THBS2: variants seen among roughly 807,000 people sequenced by gnomAD.
THBS2 encodes thrombospondin 2.
Under a neutral mutation model 135.2 loss-of-function variants are expected in THBS2, and 47 were observed. The observed-to-expected ratio is 0.35, with a 90% CI of 0.28 to 0.44. The LOEUF (loss-of-function observed/expected upper bound fraction) is 0.44. THBS2 is among the 20% of genes least tolerant of loss of function. The probability of loss-of-function intolerance (pLI) is 1.00; values close to 1 mark genes in which losing one functional copy is unlikely to be tolerated. For missense variants in THBS2, 1,288 were observed against 1,603.1 expected (o/e 0.80, Z 3.36); for synonymous variants, 639 against 633.8 (o/e 1.01, Z -0.12).
At chr6:169,242,742 G>A (rs200056542) in intron 4 of THBS2, among the ~76,000 whole-genome samples, 118 of 54,084 alleles carry the variant, frequency 2.2e-3, no homozygotes, top group Middle Eastern at 0.019. Flanking sequence ...CCTTCCCACC[G>A]CTCCCACCTT....
At chr6:169,221,681 T>C (rs1393528150) in intron 19 of THBS2, among the ~76,000 whole-genome samples, 154 bp from the exon 20 acceptor site, 2 of 152,106 alleles carry the variant, frequency 1.3e-5, no homozygotes, top group African/African-American at 4.8e-5. Context: ...ATCATCCAAA[T>C]CTCTACTGTG....
Position 169,232,043 on chromosome 6 carries a change from G to T in THBS2, c.2088C>A (p.Asp696Glu). 2 of 1,614,066 alleles carry T rather than the reference G, an allele frequency of 1.2e-6. No individual in the cohort carries two copies. The highest frequency in any genetic ancestry group is 1.7e-6 in the Non-Finnish European group (2 of 1,179,970). The stretch of plus-strand genomic sequence containing the variant: ...GATTGAGGTTGGGCCAGCCGTCCAG[G>T]TCCGAGTCCTCCCCGCAGATGAGCC... ...GDGLICGEDS[D>E]LDGWPNLNLV... Residue 696 changes from aspartate (D) to glutamate (E), a missense_variant, in exon 13 of 22, where the codon GAC (aspartate) becomes GAA (glutamate). This residue lies in a region of THBS2 where 874 missense variants were observed against 1,156.1 expected (regional missense o/e 0.76). Coordinates refer to ENST00000617924, the MANE Select transcript of THBS2 (RefSeq NM_003247.5).
intron 13 of THBS2, among the ~76,000 whole-genome samples, chr6:169,231,467 G>T (rs755294614): frequency 1.1e-4 from 16 of 152,198 alleles, no homozygotes; most frequent in Non-Finnish European, 1.9e-4. Context: ...CTCCCGGGCC[G>T]TGGTGTTCGT....
chr6:169,240,877 C>T (rs76759989), intron 5 of THBS2, among the ~76,000 whole-genome samples: 2,579 of 152,242 alleles, frequency 0.017, 71 homozygotes, highest in African/African-American at 0.06. Context: ...TGCAGAGCAA[C>T]GCTGGGGCTC....
intron 4 of THBS2, among the ~76,000 whole-genome samples, chr6:169,245,614 A>C (rs1180684804): frequency 6.6e-6 from 1 of 152,046 alleles, no homozygotes; most frequent in Non-Finnish European, 1.5e-5. Context: ...AACACGCTGA[A>C]ACCCCATCTC....
chr6:169,217,756 A>G lies in THBS2; in HGVS notation c.*66T>C, dbSNP rs1418644031. The G allele has an allele frequency of 6.3e-7, 1 of 1,576,056 alleles. No individual in the cohort carries two copies. The highest frequency in any genetic ancestry group is 1.8e-5 in the Admixed American group (1 of 55,686). On this transcript the variant is annotated 3_prime_UTR_variant, in exon 22 of 22. Coordinates refer to ENST00000617924, the MANE Select transcript of THBS2 (RefSeq NM_003247.5). ...TAGAGAGAGAAGCCACAAGGACCAC[A>G]ATGAACTGAGGTGTCTAGGGACCAT...
intron 21 of THBS2, among the ~76,000 whole-genome samples, chr6:169,219,129 G>A (rs1779317910): frequency 6.7e-6 from 1 of 149,612 alleles, no homozygotes; most frequent in Admixed American, 6.7e-5. Flanking sequence ...GTGAGTGGAT[G>A]AGATGAATGG....
intron 4 of THBS2, among the ~76,000 whole-genome samples, chr6:169,242,617 G>T (rs71552383): frequency 3.7e-5 from 1 of 27,282 alleles, no homozygotes; most frequent in African/African-American, 1.9e-4. Flanking sequence ...CCTTCCCACC[G>T]CTCCCACCTT....
intron 4 of THBS2, among the ~76,000 whole-genome samples, chr6:169,242,690 ATC>A: frequency 3.1e-5 from 1 of 32,186 alleles, no homozygotes; most frequent in Non-Finnish European, 5.6e-5. Flanking sequence ...CCACCTTCCC[ATC>A]TTCCCACCTT....
chr6:169,217,071 A>C lies in THBS2; in HGVS notation c.*751T>G, dbSNP rs1779197946. 1 of 152,238 alleles carries C rather than the reference A, an allele frequency of 6.6e-6. No homozygotes were observed. The highest frequency in any genetic ancestry group is 2.1e-4 in the South Asian group (1 of 4,836). The allele number at this position is 152,238 out of a possible 1,614,324, so 9.4% of individuals were successfully genotyped here. On this transcript the variant is annotated 3_prime_UTR_variant, in exon 22 of 22. Coordinates refer to ENST00000617924, the MANE Select transcript of THBS2 (RefSeq NM_003247.5). ...TTTGCTCTGCTAACCTTTTACTTAA[A>C]TGAGGTTTTGCCAAATCCACATCTG...
chr6:169,227,761 C>T (rs1360330855), intron 15 of THBS2, among the ~76,000 whole-genome samples: 1 of 152,104 alleles, frequency 6.6e-6, no homozygotes, highest in Non-Finnish European at 1.5e-5. Context: ...ATGAAACTTG[C>T]CAATGCCTCC....
chr6:169,242,016 G>A (rs1780322902), intron 4 of THBS2, 58 bp from the exon 5 acceptor site: 5 of 1,543,806 alleles, frequency 3.2e-6, no homozygotes, highest in Non-Finnish European at 8.8e-7. Flanking sequence ...AGCAGCAGGG[G>A]CTGGGAACAG....
chr6:169,235,907 C>T (rs1207847939), intron 9 of THBS2, among the ~76,000 whole-genome samples: 2 of 125,476 alleles, frequency 1.6e-5, no homozygotes, highest in Non-Finnish European at 3.4e-5. Context: ...CCCATCCACA[C>T]TCTCCCTCTG....
rs774383456 is a variant in THBS2 at position 169,249,017 on chromosome 6, G to A, written c.53-44C>T. ...TGGAGAAGGGTGACGTAGGGGAAGAGGGCGAGGTTGGCCTGACCCAGGGTG... is the reference window on the plus strand; with the variant it reads ...TGGAGAAGGGTGACGTAGGGGAAGAAGGCGAGGTTGGCCTGACCCAGGGTG... On this transcript the variant is annotated intron_variant, in intron 2 of 21. Coordinates refer to ENST00000617924, the MANE Select transcript of THBS2 (RefSeq NM_003247.5). 2.1e-5 allele frequency: 32 copies of A among 1,547,222 alleles called. 1 individual carries two copies. In the Middle Eastern group the frequency reaches 7.0e-4, roughly 34 times the overall value.
In THBS2 at chr6:169,252,058, G is replaced by A. The variant is rs574888200; in HGVS notation, c.-22-1252C>T. On this transcript the variant is annotated intron_variant, in intron 1 of 21. Coordinates refer to ENST00000617924, the MANE Select transcript of THBS2 (RefSeq NM_003247.5). The surrounding 1 kb of genome is among the most constrained non-coding windows in gnomAD (Gnocchi z 4.3). ...CGTCATGTAAAATGCCCACCTCATCGGGTTGTCATGAGAGATGAATTCGGC... is the reference window on the plus strand; with the variant it reads ...CGTCATGTAAAATGCCCACCTCATCAGGTTGTCATGAGAGATGAATTCGGC... 18 of 152,170 alleles carry A rather than the reference G, an allele frequency of 1.2e-4. No homozygotes were observed. Among genetic ancestry groups the A allele is most frequent in the East Asian group, 3.9e-4 (2 of 5,162 alleles). The allele number at this position is 152,170 out of a possible 1,614,324, so 9.4% of individuals were successfully genotyped here. A position where few individuals can be genotyped will look rare whatever the true frequency, so the allele number is the denominator to read the frequency against.
In THBS2 at chr6:169,222,357, T is replaced by C; in HGVS notation, c.3113A>G (p.Tyr1038Cys). 6.2e-7 allele frequency: 1 copy of C among 1,613,708 alleles called. No homozygotes were observed. Among genetic ancestry groups the C allele is most frequent in the Non-Finnish European group, 8.5e-7 (1 of 1,180,038 alleles). Residue 1038 changes from tyrosine (Y) to cysteine (C), a missense_variant, in exon 19 of 22, where the codon TAT (tyrosine) becomes TGT (cysteine). Physicochemically the swap from Tyr to Cys is radical, Grantham distance 194 (BLOSUM62 -2). Coordinates refer to ENST00000617924, the MANE Select transcript of THBS2 (RefSeq NM_003247.5). ...CGTCACCTGCTTCCACATCACCACA[T>C]AGAAGCGGCTGCTTGACTGGTAACC... ...VFGYQSSSRF[Y>C]VVMWKQVTQT...
chr6:169,221,308 A>AGT (rs1481846011), intron 20 of THBS2, 122 bp downstream of exon 20: 41 of 803,736 alleles, frequency 5.1e-5, no homozygotes, highest in Non-Finnish European at 8.2e-5. Flanking sequence ...GTTAATGACG[A>AGT]AGAATCCAGA....
intron 2 of THBS2, 63 bp from the exon 3 acceptor site, chr6:169,249,036 C>T (rs1443216160): frequency 4.7e-6 from 7 of 1,492,564 alleles, no homozygotes; most frequent in Non-Finnish European, 6.3e-6. Context: ...TGGCCTGACC[C>T]AGGGTGACAA....
intron 17 of THBS2, among the ~76,000 whole-genome samples, chr6:169,224,491 T>C (rs1490136183): frequency 6.6e-6 from 1 of 152,096 alleles, no homozygotes; most frequent in Non-Finnish European, 1.5e-5. Flanking sequence ...CCTCAAGTCC[T>C]TATCTCCCTC....
Sources: allele counts gnomAD v4.1 joint callset (sites outside exome capture counted in the v4.1 genomes callset), GRCh38; gene constraint gnomAD v4.1.1; regional missense constraint gnomAD v4.1.1; non-coding constraint Gnocchi (gnomAD v3.1); transcripts MANE v1.5; gene names NCBI Gene and HGNC (gene_info 2026-07-23, HGNC 2026-07-21).